The following HIP1 variants were observed in gnomAD, a reference collection of about 807,000 sequenced individuals.
The protein encoded by HIP1 is huntingtin-interacting protein 1.
In HIP1, 65 loss-of-function variants were observed where a neutral mutation model predicts 147.6. The ratio of observed to expected loss-of-function variants is 0.44; its 90% confidence interval spans 0.36 to 0.54. HIP1 has a LOEUF of 0.54. Ranked by LOEUF, HIP1 falls within the 20% of genes least tolerant of loss-of-function variation. HIP1 has a pLI of 0.00. For missense variants in HIP1, 1,061 were observed against 1,299.6 expected (o/e 0.82, Z 2.82); for synonymous variants, 479 against 504.0 (o/e 0.95, Z 0.67).
intron 29 of HIP1, among the ~76,000 whole-genome samples, chr7:75,541,366 T>G (rs1261337970): frequency 6.6e-6 from 1 of 151,848 alleles, no homozygotes; most frequent in Non-Finnish European, 1.5e-5. Context: ...CTGTCTCTAC[T>G]AAAAATACAA....
chr7:75,703,639 A>G (rs918100201), intron 1 of HIP1, among the ~76,000 whole-genome samples: 2 of 152,034 alleles, frequency 1.3e-5, no homozygotes, highest in Non-Finnish European at 2.9e-5. Context: ...CACACAAAAC[A>G]AACAAACAAA....
At chr7:75,564,208 C>T (rs1197685221) in intron 9 of HIP1, among the ~76,000 whole-genome samples, 6 of 152,138 alleles carry the variant, frequency 3.9e-5, no homozygotes, top group Non-Finnish European at 4.4e-5. Context: ...ACATCTTTTT[C>T]TCATTCTCAA....
chr7:75,546,898 A>G (rs1167800), intron 25 of HIP1, 41 bp downstream of exon 25: 577,199 of 1,397,428 alleles, frequency 0.41, 123,540 homozygotes, highest in Non-Finnish European at 0.44. Context: ...GTCTGTCACC[A>G]ATGCCTCCTC....
chr7:75,718,534 A>C (rs1355152492), intron 1 of HIP1, among the ~76,000 whole-genome samples: 3 of 152,204 alleles, frequency 2.0e-5, no homozygotes, highest in Admixed American at 1.3e-4. Flanking sequence ...AACGCAAAAC[A>C]AACAAATCAA....
Position 75,568,279 on chromosome 7 carries a change from T to A in HIP1, c.746-23A>T. On this transcript the variant is annotated intron_variant, in intron 8 of 30. Transcript: ENST00000336926. The surrounding 1 kb of genome is among the most constrained non-coding windows in gnomAD (Gnocchi z 4.1). Reference sequence around the variant, plus strand: ...GGCCTGGAAGAAATTGGAAAGAGTGTGAGAGGGGAGGGGGACCAGAGGGCA... The same window carrying A: ...GGCCTGGAAGAAATTGGAAAGAGTGAGAGAGGGGAGGGGGACCAGAGGGCA... 1.3e-6 allele frequency: 2 copies of A among 1,570,136 alleles called. No homozygotes were observed. The highest frequency in any genetic ancestry group is 1.4e-5 in the African/African-American group (1 of 73,740).
chr7:75,581,005 G>A (rs782238990), intron 7 of HIP1, among the ~76,000 whole-genome samples: 4 of 152,100 alleles, frequency 2.6e-5, no homozygotes, highest in African/African-American at 9.7e-5. Flanking sequence ...GCCTCCCAAA[G>A]TGCTAGGATT....
intron 1 of HIP1, among the ~76,000 whole-genome samples, chr7:75,664,296 GTATA>G (rs1371236066): frequency 3.9e-5 from 3 of 76,044 alleles, no homozygotes; most frequent in African/African-American, 1.2e-4. Context: ...ATATATGTAT[GTATA>G]TATGTATGTA....
In HIP1 at chr7:75,554,440, C is replaced by G; in HGVS notation, c.2050G>C (p.Asp684His). The G allele has an allele frequency of 6.2e-7, 1 of 1,612,690 alleles. No homozygotes were observed. The highest frequency in any genetic ancestry group is 1.1e-5 in the South Asian group (1 of 91,002). ...AGAGACTGTCCTTGGCCATTCTTACCTTCTGGGCAGGCCAGATACTGGCTC... is the reference window on the plus strand; with the variant it reads ...AGAGACTGTCCTTGGCCATTCTTACGTTCTGGGCAGGCCAGATACTGGCTC... ...SWSQYLACPE[D>H]ISGLLHSITL... is the part of the protein sequence containing the mutation. The change falls in exon 20 of 31, where the codon GAC becomes CAC. Residue 684 changes from aspartate (D) to histidine (H), a missense_variant and splice_region_variant. This residue lies in a region of HIP1 where 810 missense variants were observed against 946.8 expected (regional missense o/e 0.86). Transcript: ENST00000336926.
chr7:75,539,453 A>G, intron 29 of HIP1, 22 bp from the exon 30 acceptor site: 1 of 1,560,172 alleles, frequency 6.4e-7, no homozygotes, highest in Admixed American at 1.7e-5. Context: ...ATTAAGTGGG[A>G]TTTTCTCTTA....
At chr7:75,595,060 G>A (rs1235603487) in intron 2 of HIP1, among the ~76,000 whole-genome samples, 3 of 152,090 alleles carry the variant, frequency 2.0e-5, no homozygotes, top group African/African-American at 7.2e-5. Context: ...CAGAGCACAT[G>A]TTATTTTGCT....
At chr7:75,727,718 T>G (rs1185835681) in intron 1 of HIP1, among the ~76,000 whole-genome samples, 5 of 151,914 alleles carry the variant, frequency 3.3e-5, no homozygotes, top group Non-Finnish European at 7.4e-5. Context: ...TGGTGGCATG[T>G]GCCTGTAGTC....
At position 75,568,629 on chromosome 7, in the gene HIP1, G is replaced by C. The variant is rs1795499633; in HGVS notation, c.746-373C>G. ...TCTTTCTCAGCTATTGCCTGCATTT[G>C]TTTTAGGTTGAGGCTCAGGGCTGAT... On this transcript the variant is annotated intron_variant, in intron 8 of 30. Coordinates refer to ENST00000336926, the MANE Select transcript of HIP1 (RefSeq NM_005338.7). The surrounding 1 kb of genome is among the most constrained non-coding windows in gnomAD (Gnocchi z 4.1). Among the ~76,000 whole-genome samples the C allele has an allele frequency of 6.6e-6, 1 of 152,206 alleles. No homozygotes were observed. Among genetic ancestry groups the C allele is most frequent in the Non-Finnish European group, 1.5e-5 (1 of 68,042 alleles).
intron 26 of HIP1, 75 bp from the exon 27 acceptor site, chr7:75,544,875 C>T (rs1554490667): frequency 4.1e-6 from 4 of 967,526 alleles, no homozygotes; most frequent in South Asian, 1.4e-5. Context: ...ACCTCCAGAC[C>T]ACCCCATCGC....
chr7:75,612,282 G>A (rs782674813), intron 1 of HIP1, among the ~76,000 whole-genome samples: 1 of 152,172 alleles, frequency 6.6e-6, no homozygotes, highest in Non-Finnish European at 1.5e-5. Flanking sequence ...GGCGGAGGTG[G>A]GCGGATCACC....
chr7:75,709,348 G>A (rs1187440827), intron 1 of HIP1, among the ~76,000 whole-genome samples: 1 of 151,974 alleles, frequency 6.6e-6, no homozygotes. Flanking sequence ...CCTGACCTCA[G>A]GTGATCCTCC....
At chr7:75,672,909 T>C (rs1171535547) in intron 1 of HIP1, among the ~76,000 whole-genome samples, 2 of 152,198 alleles carry the variant, frequency 1.3e-5, no homozygotes, top group Non-Finnish European at 2.9e-5. Flanking sequence ...TATGTGGGCT[T>C]ATTTCTGGAC....
In HIP1 at chr7:75,592,332, A is replaced by C. The variant is rs782268561; in HGVS notation, c.327+40T>G. 7.0e-6 allele frequency: 11 copies of C among 1,578,882 alleles called. No individual in the cohort carries two copies. In the East Asian group the frequency reaches 9.0e-5, roughly 13 times the overall value. On this transcript the variant is annotated intron_variant, in intron 3 of 30. Coordinates refer to ENST00000336926, the MANE Select transcript of HIP1 (RefSeq NM_005338.7). The stretch of plus-strand genomic sequence containing the variant: ...CCAGGCAGTCACTTTCCCCACAAGG[A>C]TCCCTGGCTCCCTGCCACCCCATAG...
At chr7:75,634,661 C>G (rs1454600905) in intron 1 of HIP1, among the ~76,000 whole-genome samples, 1 of 152,116 alleles carries the variant, frequency 6.6e-6, no homozygotes, top group African/African-American at 2.4e-5. Context: ...TGTGGTGGCT[C>G]ATGCCTGTAA....
chr7:75,649,961 T>C (rs1798919952), intron 1 of HIP1, among the ~76,000 whole-genome samples: 1 of 152,136 alleles, frequency 6.6e-6, no homozygotes, highest in African/African-American at 2.4e-5. Flanking sequence ...CCATGGTCCC[T>C]TTCCACAGAT....
Sources: gnomAD v4.1 joint callset for allele counts (sites outside exome capture counted in the v4.1 genomes callset) on GRCh38, gnomAD v4.1.1 for gene constraint, gnomAD v4.1.1 regional missense constraint, Gnocchi (gnomAD v3.1) non-coding constraint, MANE v1.5 for transcripts, NCBI Gene and HGNC (gene_info 2026-07-23, HGNC 2026-07-21) for gene names.